Variants in PDE4D observed in about 807,000 individuals in gnomAD.
PDE4D encodes the protein 3',5'-cyclic-AMP phosphodiesterase 4D.
A neutral mutation model predicts 87.4 loss-of-function variants in PDE4D; 24 were observed. The observed-to-expected ratio is 0.27, with a 90% confidence interval of 0.20 to 0.39. The LOEUF (loss-of-function observed/expected upper bound fraction) is 0.39, where lower values mean the gene tolerates loss of function less well. PDE4D is among the 10% of genes least tolerant of loss of function. PDE4D has a pLI of 1.00. For missense variants in PDE4D, 714 were observed against 1,041.0 expected, an observed-to-expected ratio of 0.69 and a Z score of 4.32; for synonymous variants, 384 against 383.2, an observed-to-expected ratio of 1.00 and a Z score of -0.02.
chr5:59,696,474 A>G (rs923696277), intron 1 of PDE4D, among the ~76,000 whole-genome samples: 1 of 152,214 alleles, frequency 6.6e-6, no homozygotes, highest in Non-Finnish European at 1.5e-5. Flanking sequence ...AAAAAAAGTG[A>G]CAAGTGCTAT....
chr5:60,377,218 A>T (rs1761502695), intron 1 of PDE4D, among the ~76,000 whole-genome samples: 1 of 152,156 alleles, frequency 6.6e-6, no homozygotes, highest in Non-Finnish European at 1.5e-5. Flanking sequence ...TCACTATTTT[A>T]CACACTATGA....
At chr5:59,529,819 A>T (rs1813859582) in intron 1 of PDE4D, among the ~76,000 whole-genome samples, 1 of 152,190 alleles carries the variant, frequency 6.6e-6, no homozygotes, top group African/African-American at 2.4e-5. Context: ...TCCCTTGATG[A>T]AAATAGCTTT....
At chr5:59,330,722 G>A (rs1046018973) in intron 1 of PDE4D, among the ~76,000 whole-genome samples, 1 of 152,088 alleles carries the variant, frequency 6.6e-6, no homozygotes, top group Non-Finnish European at 1.5e-5. Flanking sequence ...CTCTGACATT[G>A]AAATTTCATA....
intron 1 of PDE4D, among the ~76,000 whole-genome samples, chr5:60,476,891 G>A (rs894259136): frequency 6.6e-6 from 1 of 152,084 alleles, no homozygotes; most frequent in African/African-American, 2.4e-5. Context: ...TTTGTTTAAT[G>A]TCTGTCAATC....
chr5:58,975,968 A>G lies in PDE4D; in HGVS notation c.1831-129T>C. 1 of 688,616 alleles carries G rather than the reference A, an allele frequency of 1.5e-6. No individual in the cohort carries two copies. Among genetic ancestry groups the G allele is most frequent in the Non-Finnish European group, 2.2e-6 (1 of 446,310 alleles). 42.7% of individuals were successfully genotyped at this position (688,616 alleles called of 1,614,324 possible). A position where few individuals can be genotyped will look rare whatever the true frequency, so the allele number is the denominator to read the frequency against. ...ATACACGTAGTGTAAGATTTATTCCAAACAGCTCAACCATGATGTGTCTGT... is the reference window on the plus strand; with the variant it reads ...ATACACGTAGTGTAAGATTTATTCCGAACAGCTCAACCATGATGTGTCTGT... On this transcript the variant is annotated intron_variant, in intron 13 of 14. Transcript: ENST00000340635. The surrounding 1 kb of genome is among the most constrained non-coding windows in gnomAD (Gnocchi z 4.2).
chr5:60,065,683 C>G (rs533629835), intron 2 of PDE4D, among the ~76,000 whole-genome samples: 1 of 151,838 alleles, frequency 6.6e-6, no homozygotes, highest in Admixed American at 6.6e-5. Context: ...TGAGAATATG[C>G]GTGTTTGCTT....
intron 1 of PDE4D, among the ~76,000 whole-genome samples, chr5:59,728,270 T>C (rs1473956142): frequency 1.3e-5 from 2 of 152,104 alleles, no homozygotes; most frequent in Non-Finnish European, 2.9e-5. Flanking sequence ...AAAGGGAACA[T>C]AGTATAATAC....
At position 59,007,126 on chromosome 5, in the gene PDE4D, T is replaced by A. The variant is rs567259821; in HGVS notation, c.922-13661A>T. Among the ~76,000 whole-genome samples, 3 of 152,338 alleles carry A rather than the reference T, an allele frequency of 2.0e-5. No homozygotes were observed. In the South Asian group the frequency reaches 6.2e-4, roughly 32 times the overall value. On this transcript the variant is annotated intron_variant, in intron 6 of 14. Coordinates refer to ENST00000340635, the MANE Select transcript of PDE4D (RefSeq NM_001104631.2). ...CTGTGTTTGAAATATTTAAGAAATA[T>A]TGTTTAAAATAAGTGTATTAGCTCT...
At chr5:59,264,750 A>G (rs576520290) in intron 1 of PDE4D, among the ~76,000 whole-genome samples, 174 of 152,140 alleles carry the variant, frequency 1.1e-3, no homozygotes, top group African/African-American at 4.0e-3. Flanking sequence ...TACTCATAAT[A>G]AAATAGTAGA....
chr5:58,999,256 A>C (rs1372604474), intron 6 of PDE4D, among the ~76,000 whole-genome samples: 1 of 152,030 alleles, frequency 6.6e-6, no homozygotes, highest in South Asian at 2.1e-4. Flanking sequence ...CATATACCAC[A>C]TGACAAACAG....
chr5:59,815,921 T>C (rs935190513), intron 1 of PDE4D, among the ~76,000 whole-genome samples: 5 of 152,204 alleles, frequency 3.3e-5, no homozygotes, highest in Admixed American at 3.3e-4. Flanking sequence ...ATTGTAAAAA[T>C]TGTGAATATT....
chr5:60,044,833 ATG>A (rs1243210233), intron 2 of PDE4D, among the ~76,000 whole-genome samples: 2 of 152,120 alleles, frequency 1.3e-5, no homozygotes, highest in African/African-American at 4.8e-5. Context: ...ATACGTGTGC[ATG>A]TGTCTTTATA....
At chr5:60,102,872 A>G (rs188465702) in intron 2 of PDE4D, among the ~76,000 whole-genome samples, 1 of 152,228 alleles carries the variant, frequency 6.6e-6, no homozygotes, top group East Asian at 1.9e-4. Flanking sequence ...TCAACTGAAT[A>G]CCAGTGTTCT....
chr5:59,133,428 T>C (rs932399317), intron 5 of PDE4D, among the ~76,000 whole-genome samples: 26 of 152,168 alleles, frequency 1.7e-4, no homozygotes, highest in African/African-American at 6.0e-4. Context: ...GGTAATTTAT[T>C]TGAAGCATTT....
At chr5:60,303,493 G>C (rs1162623233) in intron 1 of PDE4D, among the ~76,000 whole-genome samples, 1 of 151,854 alleles carries the variant, frequency 6.6e-6, no homozygotes, top group East Asian at 1.9e-4. Flanking sequence ...ATTTTTAGTA[G>C]AGACGGGGTT....
At chr5:60,086,189 T>C (rs894293057) in intron 2 of PDE4D, among the ~76,000 whole-genome samples, 5 of 152,204 alleles carry the variant, frequency 3.3e-5, no homozygotes, top group African/African-American at 1.2e-4. Flanking sequence ...ATATTCTAGA[T>C]AAAACAACAG....
At chr5:60,173,331 T>A (rs1191549791) in intron 2 of PDE4D, among the ~76,000 whole-genome samples, 3 of 152,078 alleles carry the variant, frequency 2.0e-5, no homozygotes, top group Non-Finnish European at 4.4e-5. Flanking sequence ...TGTAAGTTTT[T>A]ATAAAGGAAA....
intron 3 of PDE4D, among the ~76,000 whole-genome samples, chr5:59,968,991 A>ATC: frequency 1.7e-5 from 2 of 121,004 alleles, no homozygotes; most frequent in African/African-American, 5.8e-5. Context: ...AAGAAAAGGC[A>ATC]CCCCCCCCCC....
intron 1 of PDE4D, among the ~76,000 whole-genome samples, chr5:59,293,302 A>G (rs1368122936): frequency 6.6e-6 from 1 of 152,266 alleles, no homozygotes; most frequent in Non-Finnish European, 1.5e-5. Context: ...AGGAACTAAG[A>G]TAGAGTCTGA....
Sources: gnomAD v4.1 joint callset for allele counts (sites outside exome capture counted in the v4.1 genomes callset) on GRCh38, gnomAD v4.1.1 for gene constraint, Gnocchi (gnomAD v3.1) non-coding constraint, MANE v1.5 for transcripts, NCBI Gene and HGNC (gene_info 2026-07-23, HGNC 2026-07-21) for gene names.